Variants in ZNF654 observed in about 807,000 individuals in gnomAD.
ZNF654 encodes zinc finger protein 654, also known as melanoma-associated antigen.
ZNF654 carries 19 observed loss-of-function variants against 95.3 expected under a neutral mutation model. The ratio of observed to expected loss-of-function variants is 0.20; its 90% confidence interval spans 0.14 to 0.29. ZNF654 has a LOEUF of 0.29. Among genes scored for constraint, ZNF654 ranks in the 10% least tolerant of loss-of-function variants. ZNF654 has a pLI of 1.00. For synonymous variants in ZNF654, 413 were observed against 457.9 expected, an observed-to-expected ratio of 0.90 and a Z score of 1.25; for missense variants, 1,046 against 1,341.0, an observed-to-expected ratio of 0.78 and a Z score of 3.44.
At position 88,059,482 on chromosome 3, in the gene ZNF654, G is replaced by T; in HGVS notation, c.163G>T (p.Asp55Tyr). Residue 55 changes from aspartate (D) to tyrosine (Y), a missense_variant, in exon 1 of 9, where the codon GAT becomes TAT. Physicochemically the swap from Asp to Tyr is radical, Grantham distance 160. This residue lies in a region of ZNF654 where 89 missense variants were observed against 77.9 expected (regional missense o/e 1.14). Coordinates refer to ENST00000636215, the MANE Select transcript of ZNF654 (RefSeq NM_001350134.2). ...CGGGVGISSRDYCRRFCQVVE... is the reference protein window; with the variant it reads ...CGGGVGISSRYYCRRFCQVVE... ...CGGCGGCGTCGGAATCAGCAGTCGG[G>T]ATTACTGCCGACGCTTCTGTCAGGT... 2 of 1,506,520 alleles carry T rather than the reference G, an allele frequency of 1.3e-6. No individual in the cohort carries two copies. The highest frequency in any genetic ancestry group is 8.8e-7 in the Non-Finnish European group (1 of 1,134,846). The allele number at this position is 1,506,520 out of a possible 1,614,324, so 93.3% of individuals were successfully genotyped here.
chr3:88,062,097 C>G (rs1706918900), intron 1 of ZNF654, among the ~76,000 whole-genome samples: 2 of 152,118 alleles, frequency 1.3e-5, no homozygotes, highest in Admixed American at 1.3e-4. Flanking sequence ...TGGACTGGCC[C>G]TATCACATCC....
intron 2 of ZNF654, among the ~76,000 whole-genome samples, chr3:88,109,109 T>C (rs1449545231): frequency 6.6e-6 from 1 of 151,270 alleles, no homozygotes; most frequent in African/African-American, 2.4e-5. Flanking sequence ...GGAAGGGGTC[T>C]GGTAATGTAT....
intron 7 of ZNF654, 102 bp downstream of exon 7, chr3:88,135,304 AAGG>A: frequency 2.9e-6 from 3 of 1,042,984 alleles, no homozygotes; most frequent in Non-Finnish European, 3.8e-6. Context: ...AACTGAAGGA[AAGG>A]AGGATTTTAA....
intron 1 of ZNF654, among the ~76,000 whole-genome samples, chr3:88,059,920 C>T (rs1031316542): frequency 6.6e-6 from 1 of 152,086 alleles, no homozygotes; most frequent in Non-Finnish European, 1.5e-5. Flanking sequence ...CCGATTGCCC[C>T]CCGTGTTCTC....
intron 1 of ZNF654, among the ~76,000 whole-genome samples, chr3:88,074,801 T>A (rs575286105): frequency 4.6e-5 from 7 of 152,334 alleles, no homozygotes; most frequent in African/African-American, 1.7e-4. Context: ...ATTAGTGATA[T>A]CAGAAGGACG....
In ZNF654 at chr3:88,139,977, G is replaced by A. The variant is rs781477499; in HGVS notation, c.2308G>A (p.Val770Ile). 1.7e-5 allele frequency: 27 copies of A among 1,613,600 alleles called. No individual in the cohort carries two copies. The highest frequency in any genetic ancestry group is 6.6e-5 in the South Asian group (6 of 91,080). Residue 770 changes from valine to isoleucine, a missense_variant, in exon 8 of 9, where the codon GTA becomes ATA. Around this residue, in one of 9 missense-constraint regions of ZNF654, gnomAD observed 495 missense variants for 537.0 expected, o/e 0.92. Coordinates refer to ENST00000636215, the MANE Select transcript of ZNF654 (RefSeq NM_001350134.2). ...IGFLNKHAMT[V>I]HPTDLNVRQT... ...GTTTCTAAATAAACATGCAATGACC[G>A]TACATCCAACCGATTTAAATGTGCG...
At chr3:88,088,855 C>T (rs9834468) in intron 2 of ZNF654, among the ~76,000 whole-genome samples, 118,749 of 151,606 alleles carry the variant, frequency 0.78, 47,431 homozygotes, top group South Asian at 0.91. Flanking sequence ...TCACTGCAAC[C>T]TACATCTCCT....
intron 7 of ZNF654, 66 bp downstream of exon 7, chr3:88,135,268 T>G: frequency 1.2e-5 from 15 of 1,240,654 alleles, no homozygotes; most frequent in African/African-American, 3.1e-5. Context: ...CTTGAATCTC[T>G]TTTGATAAAA....
rs890140158 is a variant in ZNF654, at chr3:88,138,750, G to A, written c.1081G>A (p.Ala361Thr). The A allele has an allele frequency of 8.1e-7, 1 of 1,231,980 alleles. No individual in the cohort carries two copies. Among genetic ancestry groups the A allele is most frequent in the Admixed American group, 4.2e-5 (1 of 23,700 alleles). The allele number at this position is 1,231,980 out of a possible 1,614,324, so 76.3% of individuals were successfully genotyped here. A position where few individuals can be genotyped will look rare whatever the true frequency, so the allele number is the denominator to read the frequency against. ...AATTTGTGTTGAAATATGTGGTTGTGCTCTACAACTCGACCTTCATGATGA... is the reference window on the plus strand; with the variant it reads ...AATTTGTGTTGAAATATGTGGTTGTACTCTACAACTCGACCTTCATGATGA... ...LQICVEICGC[A>T]LQLDLHDDPK... The change falls in exon 8 of 9, where the codon GCT becomes ACT. Residue 361 changes from alanine (A) to threonine (T), a missense_variant. This residue lies in a region of ZNF654 where 78 missense variants were observed against 154.2 expected (regional missense o/e 0.51). Transcript: ENST00000636215.
intron 3 of ZNF654, among the ~76,000 whole-genome samples, chr3:88,119,047 A>G (rs528119567): frequency 6.7e-6 from 1 of 149,866 alleles, no homozygotes; most frequent in African/African-American, 2.5e-5. Flanking sequence ...ATATACCCAA[A>G]GGACTATAAA....
intron 3 of ZNF654, among the ~76,000 whole-genome samples, chr3:88,117,613 G>GA (rs1422589400): frequency 2.0e-5 from 3 of 151,922 alleles, no homozygotes; most frequent in East Asian, 1.9e-4. Context: ...CTGACCTGAG[G>GA]AAAAAATAAG....
chr3:88,100,803 C>G (rs1042459797), intron 2 of ZNF654, among the ~76,000 whole-genome samples: 9 of 151,994 alleles, frequency 5.9e-5, no homozygotes, highest in Non-Finnish European at 1.3e-4. Flanking sequence ...CACAGCGGGG[C>G]CTGTCATGGG....
chr3:88,135,103 T>C lies in ZNF654; in HGVS notation c.936T>C (p.Asn312=). ...FIWSKLQLKS[N]PSKQVFVDQC... ...GGAGTAAACTACAGCTTAAATCTAA[T>C]CCTTCAAAACAAGTTTTTGTAGATC... The change falls in exon 7 of 9, where the codon AAT becomes AAC. Residue 312 remains asparagine, a synonymous_variant. Coordinates refer to ENST00000636215, the MANE Select transcript of ZNF654 (RefSeq NM_001350134.2). The C allele has an allele frequency of 6.8e-7, 1 of 1,479,326 alleles. No individual in the cohort carries two copies. The highest frequency in any genetic ancestry group is 1.4e-5 in the South Asian group (1 of 72,896). The allele number at this position is 1,479,326 out of a possible 1,614,324, so 91.6% of individuals were successfully genotyped here.
At chr3:88,101,505 A>G (rs894220957) in intron 2 of ZNF654, among the ~76,000 whole-genome samples, 1 of 152,192 alleles carries the variant, frequency 6.6e-6, no homozygotes, top group African/African-American at 2.4e-5. Context: ...AGGTTTACCT[A>G]TGTTAGCATT....
chr3:88,136,641 G>C (rs963220122), intron 7 of ZNF654, among the ~76,000 whole-genome samples: 1 of 152,152 alleles, frequency 6.6e-6, no homozygotes, highest in African/African-American at 2.4e-5. Flanking sequence ...GACATTAAAG[G>C]GTAGCAGAGA....
chr3:88,125,823 G>C (rs1303789515), intron 3 of ZNF654, among the ~76,000 whole-genome samples: 1 of 152,038 alleles, frequency 6.6e-6, no homozygotes, highest in Non-Finnish European at 1.5e-5. Flanking sequence ...AAATTTAACT[G>C]AACATTTAAG....
At chr3:88,085,227 T>C (rs1183474074) in intron 1 of ZNF654, among the ~76,000 whole-genome samples, 1 of 152,192 alleles carries the variant, frequency 6.6e-6, no homozygotes, top group African/African-American at 2.4e-5. Flanking sequence ...CAAACTTTTT[T>C]CTGTAAAAGG....
chr3:88,062,106 C>T (rs1706919496), intron 1 of ZNF654, among the ~76,000 whole-genome samples: 1 of 152,152 alleles, frequency 6.6e-6, no homozygotes, highest in Non-Finnish European at 1.5e-5. Flanking sequence ...CCTATCACAT[C>T]CTCCCTTGGC....
chr3:88,088,764 GGA>G (rs1406585293), intron 2 of ZNF654, among the ~76,000 whole-genome samples: 21 of 149,362 alleles, frequency 1.4e-4, no homozygotes, highest in African/African-American at 4.2e-4. Flanking sequence ...ATGTATGTAT[GGA>G]TGGATGGATG....
Sources: allele counts gnomAD v4.1 joint callset (sites outside exome capture counted in the v4.1 genomes callset), GRCh38; gene constraint gnomAD v4.1.1; regional missense constraint gnomAD v4.1.1; transcripts MANE v1.5; gene names NCBI Gene and HGNC (gene_info 2026-07-23, HGNC 2026-07-21).